The following IL1RAPL2 variants were observed in gnomAD, a reference collection of about 807,000 sequenced individuals.
The protein encoded by IL1RAPL2 is X-linked interleukin-1 receptor accessory protein-like 2.
IL1RAPL2 carries 3 observed loss-of-function variants against 44.1 expected under a neutral mutation model. The ratio of observed to expected loss-of-function variants is 0.07; its 90% CI spans 0.03 to 0.18. The LOEUF (loss-of-function observed/expected upper bound fraction) is 0.18, where lower values mean the gene tolerates loss of function less well. Among genes scored for constraint, IL1RAPL2 ranks in the 10% least tolerant of loss-of-function variants. The probability of loss-of-function intolerance (pLI) is 1.00; values close to 1 mark genes in which losing one functional copy is unlikely to be tolerated. For missense variants in IL1RAPL2, 391 were observed against 496.4 expected, an observed-to-expected ratio of 0.79 and a Z score of 2.02; for synonymous variants, 181 against 178.8, an observed-to-expected ratio of 1.01 and a Z score of -0.10.
chrX:104,778,613 T>C (rs1428715195), intron 2 of IL1RAPL2, among the ~76,000 whole-genome samples: 1 of 106,509 alleles, frequency 9.4e-6, no homozygotes, highest in East Asian at 2.9e-4. Flanking sequence ...ACAGTAGTGC[T>C]ATGAATATGG....
chrX:105,463,017 A>G (rs1367825480), intron 5 of IL1RAPL2, among the ~76,000 whole-genome samples: 1 of 111,846 alleles, frequency 8.9e-6, no homozygotes, highest in Non-Finnish European at 1.9e-5. Context: ...TCACTGAATA[A>G]TCTACTTACC....
intron 2 of IL1RAPL2, among the ~76,000 whole-genome samples, chrX:105,067,876 C>T (rs28641908): frequency 0.023 from 2,519 of 111,930 alleles, 63 homozygotes; most frequent in African/African-American, 0.078. Flanking sequence ...TTTCCACCTA[C>T]GCTGGAGGCT....
chrX:104,904,652 A>G (rs1490304421), intron 2 of IL1RAPL2, among the ~76,000 whole-genome samples: 1 of 109,892 alleles, frequency 9.1e-6, no homozygotes, highest in Admixed American at 9.7e-5. Flanking sequence ...TTATGGCTGC[A>G]TAGTATTCCA....
intron 1 of IL1RAPL2, among the ~76,000 whole-genome samples, chrX:104,643,134 A>G (rs887101947): frequency 2.7e-5 from 3 of 112,059 alleles, no homozygotes; most frequent in Non-Finnish European, 5.6e-5. Flanking sequence ...TTACTTTTAA[A>G]CCATTGCTAG....
At chrX:105,602,785 T>TAA (rs2037263455) in intron 6 of IL1RAPL2, among the ~76,000 whole-genome samples, 1 of 101,877 alleles carries the variant, frequency 9.8e-6, no homozygotes, top group African/African-American at 3.6e-5. Context: ...GTGATATATT[T>TAA]AAAGTACCAA....
intron 2 of IL1RAPL2, among the ~76,000 whole-genome samples, chrX:105,019,571 A>C (rs1437151868): frequency 9.0e-6 from 1 of 111,704 alleles, no homozygotes; most frequent in Non-Finnish European, 1.9e-5. Flanking sequence ...AGGATAACAA[A>C]GGAATGTCTT....
chrX:105,737,567 G>T (rs148146282), intron 7 of IL1RAPL2, among the ~76,000 whole-genome samples: 377 of 111,111 alleles, frequency 3.4e-3, no homozygotes, highest in Middle Eastern at 0.014. Flanking sequence ...AGCCTGTGAA[G>T]AGCTGTTTTT....
At chrX:105,642,525 T>G (rs1368262395) in intron 6 of IL1RAPL2, among the ~76,000 whole-genome samples, 1 of 111,993 alleles carries the variant, frequency 8.9e-6, no homozygotes, top group Non-Finnish European at 1.9e-5. Context: ...TTTCCTTCCC[T>G]CAGACCCACA....
At chrX:105,112,269 A>G (rs751535784) in intron 2 of IL1RAPL2, among the ~76,000 whole-genome samples, 100 of 112,388 alleles carry the variant, frequency 8.9e-4, no homozygotes, top group African/African-American at 3.0e-3. Context: ...TGTCACAATT[A>G]TTGAGGACTT....
At chrX:104,954,112 A>T (rs376899233) in intron 2 of IL1RAPL2, among the ~76,000 whole-genome samples, 1 of 112,128 alleles carries the variant, frequency 8.9e-6, no homozygotes, top group South Asian at 3.7e-4. Flanking sequence ...CAGCTATTTT[A>T]AAAAATGTCA....
chrX:105,497,940 C>A (rs752980543), intron 6 of IL1RAPL2, among the ~76,000 whole-genome samples: 1 of 112,032 alleles, frequency 8.9e-6, no homozygotes, highest in African/African-American at 3.2e-5. Flanking sequence ...TAGTCCACAG[C>A]TAACATCATA....
chrX:105,497,537 T>G (rs752685019), intron 6 of IL1RAPL2, among the ~76,000 whole-genome samples: 6 of 111,888 alleles, frequency 5.4e-5, no homozygotes, highest in Non-Finnish European at 1.1e-4. Flanking sequence ...TCTCTTAAAC[T>G]CTTCCAGAAA....
At chrX:105,061,187 T>A in intron 2 of IL1RAPL2, among the ~76,000 whole-genome samples, 1 of 111,565 alleles carries the variant, frequency 9.0e-6, no homozygotes, top group Admixed American at 9.5e-5. Context: ...ACTATAAACT[T>A]TCCTCTTAGT....
intron 6 of IL1RAPL2, among the ~76,000 whole-genome samples, chrX:105,696,860 G>T (rs931461836): frequency 9.0e-6 from 1 of 111,535 alleles, no homozygotes; most frequent in African/African-American, 3.3e-5. Flanking sequence ...AGTCCACTTT[G>T]CATTACTATA....
chrX:104,740,842 G>C (rs897355933), intron 2 of IL1RAPL2, among the ~76,000 whole-genome samples: 11 of 111,333 alleles, frequency 9.9e-5, no homozygotes, highest in African/African-American at 3.3e-4. Context: ...GGGTTTTCTA[G>C]CCATCTGCTT....
At chrX:104,782,255 A>G (rs1309958684) in intron 2 of IL1RAPL2, among the ~76,000 whole-genome samples, 1 of 111,343 alleles carries the variant, frequency 9.0e-6, no homozygotes, top group Non-Finnish European at 1.9e-5. Flanking sequence ...GTAGTCCACC[A>G]TACCACCATA....
intron 2 of IL1RAPL2, among the ~76,000 whole-genome samples, chrX:105,118,992 C>T (rs975926684): frequency 9.0e-6 from 1 of 111,452 alleles, no homozygotes; most frequent in African/African-American, 3.3e-5. Flanking sequence ...GGGGACAAGC[C>T]TTATGGATCC....
At chrX:104,938,327 G>A (rs934090514) in intron 2 of IL1RAPL2, among the ~76,000 whole-genome samples, 1 of 111,695 alleles carries the variant, frequency 9.0e-6, no homozygotes, top group South Asian at 3.7e-4. Flanking sequence ...TATCAATATG[G>A]TGCTATTATT....
At chrX:105,104,604 C>G (rs2032714451) in intron 2 of IL1RAPL2, among the ~76,000 whole-genome samples, 1 of 111,461 alleles carries the variant, frequency 9.0e-6, no homozygotes, top group Admixed American at 9.5e-5. Context: ...GCTAGGGGAC[C>G]AGAGAGGGAA....
Sources: allele counts gnomAD v4.1 joint callset (sites outside exome capture counted in the v4.1 genomes callset), GRCh38; gene constraint gnomAD v4.1.1; transcripts MANE v1.5; gene names NCBI Gene and HGNC (gene_info 2026-07-23, HGNC 2026-07-21).